GPC5: variants seen among roughly 807,000 people sequenced by gnomAD.
GPC5 encodes glypican-5.
GPC5 carries 47 observed loss-of-function variants against 53.9 expected under a neutral mutation model. The observed-to-expected ratio is 0.87, with a 90% confidence interval of 0.69 to 1.11. GPC5 has a LOEUF of 1.11. Ranked by LOEUF, GPC5 falls within the 50% of genes most tolerant of loss-of-function variation. The pLI is 0.00. For synonymous variants in GPC5, 286 were observed against 263.3 expected, an observed-to-expected ratio of 1.09 and a Z score of -0.84; for missense variants, 748 against 713.1, an observed-to-expected ratio of 1.05 and a Z score of -0.56.
chr13:92,647,059 C>T (rs1259062787), intron 7 of GPC5, among the ~76,000 whole-genome samples: 1 of 151,252 alleles, frequency 6.6e-6, no homozygotes, highest in Non-Finnish European at 1.5e-5. Context: ...AAATAGCTAA[C>T]ATCTGTTAAT....
chr13:92,055,872 T>C (rs2041070277), intron 6 of GPC5, among the ~76,000 whole-genome samples: 1 of 152,198 alleles, frequency 6.6e-6, no homozygotes. Flanking sequence ...CAATCAATAT[T>C]ATTACTTTAA....
intron 7 of GPC5, among the ~76,000 whole-genome samples, chr13:92,578,222 C>G (rs151027524): frequency 6.6e-6 from 1 of 152,178 alleles, no homozygotes; most frequent in Non-Finnish European, 1.5e-5. Flanking sequence ...CAATCGAAAC[C>G]CTTTTATGTG....
intron 7 of GPC5, among the ~76,000 whole-genome samples, chr13:92,156,091 G>A (rs915642371): frequency 1.3e-5 from 2 of 151,986 alleles, no homozygotes; most frequent in South Asian, 2.1e-4. Context: ...TCGTCATGTA[G>A]TGTCAAAAAA....
At chr13:91,897,507 A>T (rs1395633163) in intron 5 of GPC5, among the ~76,000 whole-genome samples, 2 of 152,104 alleles carry the variant, frequency 1.3e-5, no homozygotes, top group Non-Finnish European at 2.9e-5. Flanking sequence ...TTCATAATGA[A>T]AGCTACAAAA....
intron 5 of GPC5, among the ~76,000 whole-genome samples, chr13:91,885,488 T>A (rs746738445): frequency 6.6e-6 from 1 of 152,238 alleles, no homozygotes; most frequent in East Asian, 1.9e-4. Flanking sequence ...CATTCAGTGA[T>A]AGCTTTGATC....
intron 7 of GPC5, among the ~76,000 whole-genome samples, chr13:92,620,577 C>T (rs1029812444): frequency 3.6e-4 from 55 of 152,152 alleles, no homozygotes; most frequent in African/African-American, 1.3e-3. Flanking sequence ...TAAGATAAAA[C>T]TAGAAATACT....
In GPC5 at chr13:91,866,415, C is replaced by A. The variant is rs550055635; in HGVS notation, c.1281-41522C>A. Among the ~76,000 whole-genome samples the A allele has an allele frequency of 3.3e-5, 5 of 152,014 alleles. No homozygotes were observed. The South Asian group carries it at 1.0e-3, about 32-fold the overall frequency. ...GGGCTTAGTAAAAGGTGTTTTTTTC[C>A]CAAAGGTGGATCCCCATGAATGGTT... is the stretch of plus-strand genomic sequence containing the variant. On this transcript the variant is annotated intron_variant, in intron 5 of 7. Transcript: ENST00000377067.
chr13:91,684,668 G>T (rs148254622), intron 2 of GPC5, among the ~76,000 whole-genome samples: 1 of 152,104 alleles, frequency 6.6e-6, no homozygotes, highest in Non-Finnish European at 1.5e-5. Flanking sequence ...TTTAAACTGG[G>T]CTTCCTGTTT....
intron 6 of GPC5, among the ~76,000 whole-genome samples, chr13:92,143,320 C>A (rs750970599): frequency 3.9e-5 from 6 of 152,066 alleles, no homozygotes; most frequent in Non-Finnish European, 7.4e-5. Context: ...ATTTACCATT[C>A]ATCATTATTT....
chr13:91,857,964 A>G (rs898868117), intron 5 of GPC5, among the ~76,000 whole-genome samples: 10 of 151,404 alleles, frequency 6.6e-5, no homozygotes, highest in African/African-American at 2.4e-4. Context: ...ACCACAGCAA[A>G]CCCCAGTTAA....
At chr13:92,385,523 T>TATACATATATGCATATATACATATAC (rs1566567787) in intron 7 of GPC5, among the ~76,000 whole-genome samples, 1 of 137,734 alleles carries the variant, frequency 7.3e-6, no homozygotes, top group East Asian at 2.0e-4. Context: ...TACATACATA[T>TATACATATATGCATATATACATATAC]GCATATATAC....
At chr13:91,557,159 C>T (rs2031005011) in intron 2 of GPC5, among the ~76,000 whole-genome samples, 1 of 151,968 alleles carries the variant, frequency 6.6e-6, no homozygotes, top group African/African-American at 2.4e-5. Flanking sequence ...CACCATTTAC[C>T]TTCTTGCCAG....
intron 6 of GPC5, among the ~76,000 whole-genome samples, chr13:92,056,847 T>C (rs2041078437): frequency 6.6e-6 from 1 of 152,196 alleles, no homozygotes; most frequent in Non-Finnish European, 1.5e-5. Context: ...CAAGTTCATA[T>C]CCTCTCTCCA....
At chr13:91,979,094 C>G (rs1435634847) in intron 6 of GPC5, among the ~76,000 whole-genome samples, 2 of 152,058 alleles carry the variant, frequency 1.3e-5, no homozygotes, top group Admixed American at 1.3e-4. Context: ...CAGATTAATT[C>G]TAATGCTTTT....
At chr13:92,610,921 A>G (rs1466684447) in intron 7 of GPC5, among the ~76,000 whole-genome samples, 6 of 151,472 alleles carry the variant, frequency 4.0e-5, no homozygotes, top group African/African-American at 1.2e-4. Flanking sequence ...ATTCGAGATG[A>G]TATCTGAGTG....
At chr13:92,719,518 T>C (rs1251937662) in intron 7 of GPC5, among the ~76,000 whole-genome samples, 2 of 152,152 alleles carry the variant, frequency 1.3e-5, no homozygotes, top group Admixed American at 6.6e-5. Flanking sequence ...TAAACATAAA[T>C]TGTTATACAT....
chr13:92,204,662 C>T (rs767481425), intron 7 of GPC5, among the ~76,000 whole-genome samples: 4 of 152,148 alleles, frequency 2.6e-5, no homozygotes, highest in Non-Finnish European at 5.9e-5. Context: ...CTATTATGCT[C>T]ATAGTTGTGA....
intron 2 of GPC5, chr13:91,486,271 A>G (rs1479738002): frequency 6.6e-6 from 1 of 152,166 alleles, no homozygotes; most frequent in Non-Finnish European, 1.5e-5. Context: ...CTTTATGATG[A>G]ATTGGCCTTT....
In GPC5 at chr13:92,071,988, ATTAT is replaced by A. The variant is rs1400070105; in HGVS notation, c.1402-72837_1402-72834del. Among the ~76,000 whole-genome samples the A allele has an allele frequency of 1.3e-4, 19 of 146,210 alleles. No homozygotes were observed. The East Asian group carries it at 3.3e-3, about 26-fold the overall frequency. On this transcript the variant is annotated intron_variant, in intron 6 of 7. Coordinates refer to ENST00000377067, the MANE Select transcript of GPC5 (RefSeq NM_004466.6). ...ATTTTATATACATAAATATGTATAT[ATTAT>A]TTATATGTATTGATAGGTATTTATA...
Sources: allele counts gnomAD v4.1 joint callset (sites outside exome capture counted in the v4.1 genomes callset), GRCh38; gene constraint gnomAD v4.1.1; transcripts MANE v1.5; gene names NCBI Gene and HGNC (gene_info 2026-07-23, HGNC 2026-07-21).